CADM2: variants seen among roughly 807,000 people sequenced by gnomAD.
CADM2 encodes the protein cell adhesion molecule 2.
Under a neutral mutation model 49.8 loss-of-function variants are expected in CADM2, and 12 were observed. The ratio of observed to expected loss-of-function variants is 0.24; its 90% confidence interval spans 0.15 to 0.39. The LOEUF is 0.39. CADM2 is among the 10% of genes least tolerant of loss of function. CADM2 has a pLI of 1.00. For missense variants in CADM2, 378 were observed against 492.3 expected, an observed-to-expected ratio of 0.77 and a Z score of 2.20; for synonymous variants, 214 against 175.4, an observed-to-expected ratio of 1.22 and a Z score of -1.74.
intron 1 of CADM2, among the ~76,000 whole-genome samples, chr3:85,310,286 T>G (rs1007011677): frequency 3.3e-5 from 5 of 151,534 alleles, no homozygotes; most frequent in Admixed American, 6.6e-5. Flanking sequence ...TGATAAAATT[T>G]CAGGGCACGG....
At chr3:85,290,916 C>T (rs1576292278) in intron 1 of CADM2, among the ~76,000 whole-genome samples, 2 of 152,332 alleles carry the variant, frequency 1.3e-5, no homozygotes, top group African/African-American at 4.8e-5. Flanking sequence ...TCCTCACCAG[C>T]AACGGAACAA....
chr3:85,110,258 G>C (rs2038400006), intron 1 of CADM2, among the ~76,000 whole-genome samples: 1 of 148,640 alleles, frequency 6.7e-6, no homozygotes, highest in Non-Finnish European at 1.5e-5. Flanking sequence ...CAGAGAGACA[G>C]AGAGAGAGAG....
At chr3:86,046,990 G>T (rs1736763369) in intron 8 of CADM2, among the ~76,000 whole-genome samples, 1 of 151,300 alleles carries the variant, frequency 6.6e-6, no homozygotes, top group Non-Finnish European at 1.5e-5. Flanking sequence ...CAAAATTTGG[G>T]TATTCTATAA....
At chr3:85,024,749 A>G (rs1384028620) in intron 1 of CADM2, among the ~76,000 whole-genome samples, 2 of 151,920 alleles carry the variant, frequency 1.3e-5, no homozygotes, top group African/African-American at 4.8e-5. Flanking sequence ...TAAATTCTTG[A>G]AGTAAAGCAG....
At chr3:85,155,165 A>C (rs2040067484) in intron 1 of CADM2, among the ~76,000 whole-genome samples, 1 of 150,140 alleles carries the variant, frequency 6.7e-6, no homozygotes, top group Admixed American at 6.6e-5. Context: ...AACAGTCAAG[A>C]CCCATCAGTG....
chr3:85,310,754 C>T (rs1290071177), intron 1 of CADM2, among the ~76,000 whole-genome samples: 1 of 152,084 alleles, frequency 6.6e-6, no homozygotes, highest in African/African-American at 2.4e-5. Flanking sequence ...TGATGATCAC[C>T]CTCTGAAAGT....
rs1559915924 is a variant in CADM2, at chr3:85,568,453, T to TTCTC, written c.62-158066_62-158065insCTCT. On this transcript the variant is annotated intron_variant, in intron 1 of 9. Transcript: ENST00000383699. ...TTTCTTTCTTTCTTTCTTTCTTTCT[T>TTCTC]TCTTTCTTTCTCTTTCTCTCTCTTT... Among the ~76,000 whole-genome samples the TTCTC allele has an allele frequency of 1.5e-4, 4 of 27,576 alleles. 1 individual carries two copies. Among genetic ancestry groups the TTCTC allele is most frequent in the Non-Finnish European group, 3.4e-4 (4 of 11,726 alleles). The allele number at this position is 27,576 out of a possible 152,430, so 18.1% of individuals were successfully genotyped here.
intron 1 of CADM2, among the ~76,000 whole-genome samples, chr3:85,102,375 G>T (rs7632253): frequency 0.072 from 10,987 of 152,166 alleles, 1,295 homozygotes; most frequent in African/African-American, 0.25. Flanking sequence ...TAAAACATTT[G>T]ATAGTTTACT....
chr3:86,014,923 G>A (rs1732019807), intron 8 of CADM2: 1 of 1,513,314 alleles, frequency 6.6e-7, no homozygotes, highest in African/African-American at 1.4e-5. Flanking sequence ...GAGAATGAGT[G>A]GTATGAAAAT....
Position 85,914,693 on chromosome 3 carries a change from A to G in CADM2, c.700+2150A>G, listed in dbSNP as rs189975830. 5.9e-5 allele frequency among the ~76,000 whole-genome samples: 9 copies of G among 152,322 alleles called. No homozygotes were observed. In the East Asian group the frequency reaches 1.7e-3, roughly 29 times the overall value. ...AATCTACCAATAGTCAAGCAAAACC[A>G]CATTTATGTAAGTTGCTCTGGCAAA... On this transcript the variant is annotated intron_variant, in intron 6 of 9. Coordinates refer to ENST00000383699, the MANE Select transcript of CADM2 (RefSeq NM_001167675.2).
In CADM2 at chr3:85,563,327, C is replaced by T. The variant is rs1351950607; in HGVS notation, c.62-163195C>T. Among the ~76,000 whole-genome samples the T allele has an allele frequency of 2.7e-5, 4 of 149,922 alleles. No homozygotes were observed. In the South Asian group the frequency reaches 8.4e-4, roughly 31 times the overall value. ...AATTTGATAGTAAATCACTTACTTA[C>T]CTCTTCATACAACCATTTTATATCT... On this transcript the variant is annotated intron_variant, in intron 1 of 9. Transcript: ENST00000383699.
intron 1 of CADM2, among the ~76,000 whole-genome samples, chr3:85,053,416 AAGGAAATAAAACATG>A (rs2035958118): frequency 6.6e-6 from 1 of 151,962 alleles, no homozygotes; most frequent in South Asian, 2.1e-4. Flanking sequence ...CAAGAATTTG[AAGGAAATAAAACATG>A]ACAAATTAAT....
At chr3:84,959,946 G>A (rs2030300793) in intron 1 of CADM2, among the ~76,000 whole-genome samples, 1 of 152,044 alleles carries the variant, frequency 6.6e-6, no homozygotes, top group East Asian at 1.9e-4. Context: ...CTCCATTCCC[G>A]CCAGCATCCC....
At chr3:85,397,346 T>C (rs2034841732) in intron 1 of CADM2, among the ~76,000 whole-genome samples, 1 of 152,126 alleles carries the variant, frequency 6.6e-6, no homozygotes, top group Non-Finnish European at 1.5e-5. Flanking sequence ...CTAAGCCTAG[T>C]AGAATTATTA....
chr3:85,747,955 A>G (rs907379012), intron 2 of CADM2, among the ~76,000 whole-genome samples: 3 of 152,104 alleles, frequency 2.0e-5, no homozygotes, highest in African/African-American at 7.2e-5. Context: ...GATACAGTAA[A>G]ACTTTTTGAT....
intron 1 of CADM2, among the ~76,000 whole-genome samples, chr3:85,636,779 A>G (rs2064501130): frequency 6.6e-6 from 1 of 152,164 alleles, no homozygotes; most frequent in South Asian, 2.1e-4. Flanking sequence ...TTATCATTAT[A>G]TTATGATTGC....
intron 1 of CADM2, among the ~76,000 whole-genome samples, chr3:85,106,001 G>T (rs577003788): frequency 1.3e-5 from 2 of 151,980 alleles, no homozygotes; most frequent in African/African-American, 4.8e-5. Flanking sequence ...GCTAAATGAC[G>T]AGTTAATGGG....
chr3:85,013,156 AAAT>A, intron 1 of CADM2, among the ~76,000 whole-genome samples: 1 of 151,710 alleles, frequency 6.6e-6, no homozygotes, highest in African/African-American at 2.4e-5. Context: ...AAAAAAAAAA[AAAT>A]ACCAAATTAT....
intron 1 of CADM2, among the ~76,000 whole-genome samples, chr3:85,413,138 C>CAAAAAAAAAAAAAAAAAAAAA (rs397973777): frequency 5.8e-5 from 1 of 17,126 alleles, no homozygotes; most frequent in African/African-American, 1.7e-4. Flanking sequence ...GACTCCGTCT[C>CAAAAAAAAAAAAAAAAAAAAA]AAAAAAAAAA....
Sources: allele counts gnomAD v4.1 joint callset (sites outside exome capture counted in the v4.1 genomes callset), GRCh38; gene constraint gnomAD v4.1.1; transcripts MANE v1.5; gene names NCBI Gene and HGNC (gene_info 2026-07-23, HGNC 2026-07-21).